Variants in PTPRD observed in about 807,000 individuals in gnomAD.
PTPRD encodes the protein protein tyrosine phosphatase receptor type D, also known as receptor-type tyrosine-protein phosphatase delta.
In PTPRD, 34 loss-of-function variants were observed where a neutral mutation model predicts 214.5. The observed-to-expected ratio is 0.16, with a 90% CI of 0.12 to 0.21. The LOEUF (loss-of-function observed/expected upper bound fraction) is 0.21. Among genes scored for constraint, PTPRD ranks in the 10% least tolerant of loss-of-function variants. PTPRD has a pLI of 1.00. For synonymous variants in PTPRD, 1,128 were observed against 845.7 expected, an observed-to-expected ratio of 1.33 and a Z score of -5.79; for missense variants, 2,545 against 2,398.7, an observed-to-expected ratio of 1.06 and a Z score of -1.27.
chr9:9,275,339 A>G (rs549729292), intron 9 of PTPRD, among the ~76,000 whole-genome samples: 10 of 147,390 alleles, frequency 6.8e-5, no homozygotes, highest in African/African-American at 2.5e-4. Flanking sequence ...TTATTCTCAG[A>G]AAAAACTTAT....
At chr9:8,744,329 C>T (rs1358527816) in intron 11 of PTPRD, among the ~76,000 whole-genome samples, 2 of 150,582 alleles carry the variant, frequency 1.3e-5, no homozygotes, top group East Asian at 3.9e-4. Context: ...AGTCATTATC[C>T]GAAAAGATAC....
intron 11 of PTPRD, among the ~76,000 whole-genome samples, chr9:8,880,939 A>G (rs1587253502): frequency 6.6e-6 from 1 of 152,062 alleles, no homozygotes; most frequent in Non-Finnish European, 1.5e-5. Flanking sequence ...ATATATGTAT[A>G]TATTTTTTGT....
At position 8,929,901 on chromosome 9, in the gene PTPRD, GTA is replaced by G. The variant is rs1474979093; in HGVS notation, c.-104+88794_-104+88795del. On this transcript the variant is annotated intron_variant, in intron 11 of 45. Transcript: ENST00000381196. ...TATATATGTGTGTGTATATATATGT[GTA>G]TATATATGTGTGTGTATATATATAT... Among the ~76,000 whole-genome samples, 31 of 88,432 alleles carry G rather than the reference GTA, an allele frequency of 3.5e-4. 5 individuals carry two copies. In the South Asian group the frequency reaches 8.6e-3, roughly 25 times the overall value. 58.0% of individuals were successfully genotyped at this position (88,432 alleles called of 152,430 possible).
In PTPRD at chr9:9,574,601, A is replaced by G. The variant is rs368479518; in HGVS notation, c.-237+131T>C. 2.0e-5 allele frequency: 3 copies of G among 152,132 alleles called. No individual in the cohort carries two copies. In the East Asian group the frequency reaches 5.8e-4, roughly 29 times the overall value. The allele number at this position is 152,132 out of a possible 1,614,324, so 9.4% of individuals were successfully genotyped here. On this transcript the variant is annotated intron_variant, in intron 8 of 45. Transcript: ENST00000381196. ...AACATTTTGATAGAAAATATCACAT[A>G]ATTTCTTCAACATTTATGGTTAAAT...
Position 8,505,254 on chromosome 9 carries a change from A to C in PTPRD, c.1678-849T>G, listed in dbSNP as rs74943966. On this transcript the variant is annotated intron_variant, in intron 22 of 45. Transcript: ENST00000381196. ...TAAACCTTAAAATGCAAGTGAATAC[A>C]TAATCTAGTAATGGTGTGTGTAATC... is the stretch of plus-strand genomic sequence containing the variant. 5.3e-3 allele frequency among the ~76,000 whole-genome samples: 811 copies of C among 152,332 alleles called. 8 individuals carry two copies. The highest frequency in any genetic ancestry group is 0.018 in the African/African-American group (750 of 41,566).
chr9:8,838,616 AT>A (rs374424763), intron 11 of PTPRD, among the ~76,000 whole-genome samples: 2,655 of 149,910 alleles, frequency 0.018, 69 homozygotes, highest in African/African-American at 0.061. Flanking sequence ...AGTTTGACAG[AT>A]TTTTTTTTTA....
rs182105237 is a variant in PTPRD, at chr9:9,947,616, A to C, written c.-471-9006T>G. 5.7e-3 allele frequency among the ~76,000 whole-genome samples: 381 copies of C among 66,670 alleles called. 6 individuals are homozygous for C. Among genetic ancestry groups the C allele is most frequent in the African/African-American group, 0.021 (364 of 17,018 alleles). The allele number at this position is 66,670 out of a possible 152,430, so 43.7% of individuals were successfully genotyped here. On this transcript the variant is annotated intron_variant, in intron 4 of 45. Transcript: ENST00000381196. The stretch of plus-strand genomic sequence containing the variant: ...TATATAATATATATATTTTATATAT[A>C]TATATTTTAAATATATATTTTATAT...
intron 33 of PTPRD, among the ~76,000 whole-genome samples, chr9:8,450,985 T>C (rs1343519772): frequency 6.6e-6 from 1 of 152,186 alleles, no homozygotes; most frequent in African/African-American, 2.4e-5. Context: ...TTTTCTCTGT[T>C]CGATGTGACT....
At chr9:10,235,187 A>G (rs1285406390) in intron 3 of PTPRD, among the ~76,000 whole-genome samples, 5 of 151,998 alleles carry the variant, frequency 3.3e-5, no homozygotes, top group Non-Finnish European at 5.9e-5. Flanking sequence ...TGTGAATGTT[A>G]ATTTAATCAA....
chr9:9,401,586 G>C (rs2070514117), intron 8 of PTPRD, among the ~76,000 whole-genome samples: 1 of 131,314 alleles, frequency 7.6e-6, no homozygotes, highest in Non-Finnish European at 1.6e-5. Flanking sequence ...AAAACAAGAA[G>C]TCCAAATGTT....
At chr9:9,550,284 A>T (rs537095576) in intron 8 of PTPRD, among the ~76,000 whole-genome samples, 1 of 151,812 alleles carries the variant, frequency 6.6e-6, no homozygotes, top group East Asian at 1.9e-4. Flanking sequence ...TACAGATTTC[A>T]GACTTGCCAG....
Position 9,059,062 on chromosome 9 carries a change from G to C in PTPRD, c.-142-40327C>G, listed in dbSNP as rs575026159. 1.3e-3 allele frequency among the ~76,000 whole-genome samples: 199 copies of C among 152,182 alleles called. 1 individual carries two copies. Among genetic ancestry groups the C allele is most frequent in the African/African-American group, 4.5e-3 (187 of 41,510 alleles). On this transcript the variant is annotated intron_variant, in intron 10 of 45. Coordinates refer to ENST00000381196, the MANE Select transcript of PTPRD (RefSeq NM_002839.4). The stretch of plus-strand genomic sequence containing the variant: ...GGGAGAAGAGAAGGAGAAAGACTTG[G>C]TGGCTCAAGAACTGAAAGTTTGGAA...
intron 12 of PTPRD, among the ~76,000 whole-genome samples, chr9:8,687,615 T>A (rs1300003332): frequency 6.6e-6 from 1 of 152,150 alleles, no homozygotes; most frequent in South Asian, 2.1e-4. Flanking sequence ...AATTTTTTAA[T>A]GTCAAGCAAG....
At chr9:9,127,416 A>T (rs2099835671) in intron 10 of PTPRD, among the ~76,000 whole-genome samples, 1 of 152,236 alleles carries the variant, frequency 6.6e-6, no homozygotes, top group African/African-American at 2.4e-5. Flanking sequence ...GTAAGTATGA[A>T]GAGAAATGAA....
intron 9 of PTPRD, among the ~76,000 whole-genome samples, chr9:9,376,478 T>G (rs376684053): frequency 6.6e-5 from 10 of 152,162 alleles, no homozygotes; most frequent in African/African-American, 2.2e-4. Context: ...TGTTTAGGAC[T>G]AGGAATTAAA....
chr9:9,019,437 G>T (rs1293939358), intron 10 of PTPRD, among the ~76,000 whole-genome samples: 1 of 152,176 alleles, frequency 6.6e-6, no homozygotes, highest in Non-Finnish European at 1.5e-5. Flanking sequence ...GGGTGCAGTG[G>T]CTCATGCCTG....
At chr9:8,460,674 T>C (rs184689873) in intron 32 of PTPRD, 103 bp from the exon 33 acceptor site, 12 of 1,170,706 alleles carry the variant, frequency 1.0e-5, no homozygotes, top group East Asian at 7.6e-5. Context: ...GTGGATTTAA[T>C]GATAAGTGTG....
At chr9:9,918,829 T>C (rs1032353923) in intron 5 of PTPRD, among the ~76,000 whole-genome samples, 2 of 152,114 alleles carry the variant, frequency 1.3e-5, no homozygotes, top group Admixed American at 1.3e-4. Context: ...TAAATGGTGC[T>C]AGGAGAACTG....
chr9:9,058,370 T>A (rs944016477), intron 10 of PTPRD, among the ~76,000 whole-genome samples: 3 of 149,946 alleles, frequency 2.0e-5, no homozygotes, highest in African/African-American at 7.3e-5. Context: ...ACTGGCTAAA[T>A]CCCCTGAAGA....
Sources: allele counts gnomAD v4.1 joint callset (sites outside exome capture counted in the v4.1 genomes callset), GRCh38; gene constraint gnomAD v4.1.1; transcripts MANE v1.5; gene names NCBI Gene and HGNC (gene_info 2026-07-23, HGNC 2026-07-21).